The following NVL variants were observed in gnomAD, a reference collection of about 807,000 sequenced individuals.
NVL encodes the protein nuclear valosin-containing protein-like.
In NVL, 84 loss-of-function variants were observed where a neutral mutation model predicts 110.2. The observed-to-expected ratio is 0.76, with a 90% CI of 0.64 to 0.91. The LOEUF is 0.91. Among genes scored for constraint, NVL ranks in the 40% least tolerant of loss-of-function variants. The probability of loss-of-function intolerance (pLI) is 0.00; values close to 1 mark genes in which losing one functional copy is unlikely to be tolerated. For synonymous variants in NVL, 354 were observed against 361.1 expected, an observed-to-expected ratio of 0.98 and a Z score of 0.22; for missense variants, 882 against 1,035.9, an observed-to-expected ratio of 0.85 and a Z score of 2.04.
intron 17 of NVL, among the ~76,000 whole-genome samples, chr1:224,270,808 G>T (rs2102832521): frequency 6.6e-6 from 1 of 152,216 alleles, no homozygotes; most frequent in Non-Finnish European, 1.5e-5. Flanking sequence ...ATACTAAAAT[G>T]TAATATGATT....
chr1:224,242,287 C>T (rs1661284589), intron 19 of NVL, among the ~76,000 whole-genome samples: 2 of 151,900 alleles, frequency 1.3e-5, no homozygotes, highest in Non-Finnish European at 2.9e-5. Context: ...TTAAAAATGG[C>T]TAAAATGGTA....
At chr1:224,329,745 G>A (rs1398059493) in intron 1 of NVL, among the ~76,000 whole-genome samples, 5 of 152,118 alleles carry the variant, frequency 3.3e-5, no homozygotes, top group African/African-American at 1.2e-4. Flanking sequence ...CCATTCCTGT[G>A]CTAACTTCAC....
At chr1:224,313,429 A>T (rs895663281) in intron 4 of NVL, among the ~76,000 whole-genome samples, 2 of 152,162 alleles carry the variant, frequency 1.3e-5, no homozygotes, top group Admixed American at 1.3e-4. Flanking sequence ...TCAGCATAAA[A>T]CAAAAGGAAA....
intron 17 of NVL, 70 bp downstream of exon 17, chr1:224,275,269 C>A: frequency 6.4e-7 from 1 of 1,573,246 alleles, no homozygotes; most frequent in Non-Finnish European, 8.7e-7. Context: ...ATAAGAAATA[C>A]CTGGCTTGGA....
chr1:224,229,929 T>C (rs891051613), intron 22 of NVL, among the ~76,000 whole-genome samples: 1 of 152,014 alleles, frequency 6.6e-6, no homozygotes. Flanking sequence ...CCTCCTGGGC[T>C]CAAGTAATCC....
chr1:224,305,874 A>G (rs1668868841), intron 6 of NVL, among the ~76,000 whole-genome samples: 1 of 152,220 alleles, frequency 6.6e-6, no homozygotes, highest in Non-Finnish European at 1.5e-5. Context: ...TTGTCCTCAC[A>G]TTCCCAAGAC....
chr1:224,303,418 G>C (rs182644570), intron 9 of NVL, among the ~76,000 whole-genome samples: 2,566 of 150,332 alleles, frequency 0.017, 37 homozygotes, highest in Non-Finnish European at 0.025. Flanking sequence ...CTGGGTGACA[G>C]AGTGAGACTC....
At position 224,272,632 on chromosome 1, in the gene NVL, G is replaced by A. The variant is rs1385449458; in HGVS notation, c.2082+2707C>T. On this transcript the variant is annotated intron_variant, in intron 17 of 22. Transcript: ENST00000281701. The stretch of plus-strand genomic sequence containing the variant: ...CTTGGGAGGCTGAGTCAGGAAAATC[G>A]CTTGAACCTGGGAGGCAGAGGCTGC... Among the ~76,000 whole-genome samples the A allele has an allele frequency of 3.3e-5, 5 of 151,956 alleles. No homozygotes were observed. The East Asian group carries it at 5.8e-4, about 18-fold the overall frequency.
intron 17 of NVL, among the ~76,000 whole-genome samples, chr1:224,271,927 T>C (rs1335824096): frequency 4.6e-5 from 7 of 151,758 alleles, no homozygotes; most frequent in Non-Finnish European, 1.0e-4. Context: ...GGCAGGAGAA[T>C]CGCATGAACC....
At chr1:224,278,226 CTTTTT>C (rs931102981) in intron 16 of NVL, among the ~76,000 whole-genome samples, 3 of 111,132 alleles carry the variant, frequency 2.7e-5, no homozygotes, top group East Asian at 2.7e-4. Flanking sequence ...ATCATCTAAT[CTTTTT>C]TTTTTTTTTT....
At position 224,326,467 on chromosome 1, in the gene NVL, A is replaced by G; in HGVS notation, c.58-3T>C. The G allele has an allele frequency of 6.3e-7, 1 of 1,598,708 alleles. No individual in the cohort carries two copies. Among genetic ancestry groups the G allele is most frequent in the African/African-American group, 1.3e-5 (1 of 74,652 alleles). ...CCACATTTGTTACTGGTAAGGTACT[A>G]AAACAGAAAATATAACAAATACAAA... On this transcript the variant is annotated splice_region_variant and splice_polypyrimidine_tract_variant and intron_variant, in intron 1 of 22. Transcript: ENST00000281701.
chr1:224,309,505 C>A (rs139202737), intron 5 of NVL, among the ~76,000 whole-genome samples: 1 of 151,892 alleles, frequency 6.6e-6, no homozygotes, highest in Non-Finnish European at 1.5e-5. Flanking sequence ...GGTGACAGAG[C>A]GAGACCCTGT....
intron 18 of NVL, among the ~76,000 whole-genome samples, chr1:224,258,979 TA>T (rs34767555): frequency 0.82 from 49,206 of 60,192 alleles, 21,200 homozygotes; most frequent in Non-Finnish European, 0.96. Context: ...GTCTCTACAT[TA>T]AAAAAAAAAA....
At chr1:224,263,971 T>C (rs1225016611) in intron 18 of NVL, among the ~76,000 whole-genome samples, 2 of 152,092 alleles carry the variant, frequency 1.3e-5, no homozygotes, top group South Asian at 2.1e-4. Context: ...GCCGAGATCA[T>C]GCCACTGCGC....
chr1:224,266,349 TA>T (rs1664500553), intron 18 of NVL, among the ~76,000 whole-genome samples: 1 of 152,222 alleles, frequency 6.6e-6, no homozygotes, highest in Non-Finnish European at 1.5e-5. Flanking sequence ...GCAGTTGAGA[TA>T]AATGTCCAAA....
rs550174988 is a variant in NVL at position 224,277,539 on chromosome 1, A to T, written c.1963-2081T>A. On this transcript the variant is annotated intron_variant, in intron 16 of 22. Transcript: ENST00000281701. The stretch of plus-strand genomic sequence containing the variant: ...GGAAATTTAATTTAGGGAAAGGTAA[A>T]CCTAAAGTTTCAACGAGGACATATT... Among the ~76,000 whole-genome samples, 12 of 152,336 alleles carry T rather than the reference A, an allele frequency of 7.9e-5. No individual in the cohort carries two copies. The East Asian group carries it at 1.7e-3, about 22-fold the overall frequency.
chr1:224,257,121 G>C lies in NVL; in HGVS notation c.2183-6803C>G, dbSNP rs1172347909. On this transcript the variant is annotated intron_variant, in intron 18 of 22. Coordinates refer to ENST00000281701, the MANE Select transcript of NVL (RefSeq NM_002533.4). Reference sequence around the variant, plus strand: ...GAAAGCCTAAGAGACAGAATTCTTAGGTAGAAGACAAAAAATAACAATTCT... The same window carrying C: ...GAAAGCCTAAGAGACAGAATTCTTACGTAGAAGACAAAAAATAACAATTCT... The C allele has an allele frequency of 5.7e-6, 3 of 521,874 alleles. 1 individual carries two copies. The Admixed American group carries it at 6.3e-5, about 11-fold the overall frequency. 32.3% of individuals were successfully genotyped at this position (521,874 alleles called of 1,614,324 possible).
intron 18 of NVL, among the ~76,000 whole-genome samples, chr1:224,265,597 A>T (rs1664426661): frequency 6.6e-6 from 1 of 152,190 alleles, no homozygotes; most frequent in Non-Finnish European, 1.5e-5. Flanking sequence ...GAAACGAAAG[A>T]TTGATGCTGT....
intron 5 of NVL, among the ~76,000 whole-genome samples, chr1:224,311,252 G>A (rs1257972863): frequency 6.7e-6 from 1 of 150,298 alleles, no homozygotes; most frequent in East Asian, 2.0e-4. Context: ...GTAGAGATGG[G>A]GTTGTGCCAT....
Sources: gnomAD v4.1 joint callset for allele counts (sites outside exome capture counted in the v4.1 genomes callset) on GRCh38, gnomAD v4.1.1 for gene constraint, MANE v1.5 for transcripts, NCBI Gene and HGNC (gene_info 2026-07-23, HGNC 2026-07-21) for gene names.